MACF1: variants seen among roughly 807,000 people sequenced by gnomAD.
MACF1 encodes microtubule-actin cross-linking factor 1.
MACF1 carries 193 observed loss-of-function variants against 854.8 expected under a neutral mutation model. The observed-to-expected ratio is 0.23, with a 90% CI of 0.20 to 0.25. The LOEUF (loss-of-function observed/expected upper bound fraction) is 0.25. Ranked by LOEUF, MACF1 falls within the 10% of genes least tolerant of loss-of-function variation. The probability of loss-of-function intolerance (pLI) is 1.00; values close to 1 mark genes in which losing one functional copy is unlikely to be tolerated. For synonymous variants in MACF1, 3,185 were observed against 3,226.7 expected (o/e 0.99, Z 0.44); for missense variants, 7,722 against 8,929.1 (o/e 0.86, Z 5.45).
intron 26 of MACF1, 115 bp from the exon 27 acceptor site, chr1:39,315,398 C>G: frequency 1.2e-6 from 1 of 811,828 alleles, no homozygotes; most frequent in Non-Finnish European, 2.0e-6. Flanking sequence ...CAACCAGCCT[C>G]CTATATATGG....
intron 99 of MACF1, among the ~76,000 whole-genome samples, chr1:39,481,748 A>G (rs1465325306): frequency 1.3e-5 from 2 of 152,228 alleles, no homozygotes; most frequent in East Asian, 3.8e-4. Context: ...ATAGTAGTGC[A>G]GTTTGCATTC....
At chr1:39,245,695 C>T (rs1644974733) in intron 2 of MACF1, among the ~76,000 whole-genome samples, 1 of 152,160 alleles carries the variant, frequency 6.6e-6, no homozygotes, top group East Asian at 1.9e-4. Context: ...CGAGACTAGC[C>T]TGGGCAATAT....
At chr1:39,482,380 A>T (rs1026280797) in intron 99 of MACF1, among the ~76,000 whole-genome samples, 2 of 152,198 alleles carry the variant, frequency 1.3e-5, no homozygotes, top group Middle Eastern at 3.2e-3. Flanking sequence ...AAACAATGAG[A>T]TGGATTGCTT....
intron 36 of MACF1, among the ~76,000 whole-genome samples, chr1:39,330,186 C>G (rs1028537028): frequency 6.6e-6 from 1 of 152,162 alleles, no homozygotes; most frequent in Admixed American, 6.5e-5. Flanking sequence ...CTAGTGGTTC[C>G]ATAGGCAAGG....
At chr1:39,289,389 C>T (rs1645720113) in intron 15 of MACF1, among the ~76,000 whole-genome samples, 3 of 152,188 alleles carry the variant, frequency 2.0e-5, no homozygotes, top group Admixed American at 2.0e-4. Flanking sequence ...TCCATATCCT[C>T]ACCAGCATTT....
chr1:39,260,103 C>T (rs1259373109), intron 6 of MACF1, among the ~76,000 whole-genome samples: 1 of 152,128 alleles, frequency 6.6e-6, no homozygotes. Context: ...CAATCAAATA[C>T]AGTTATTATT....
At chr1:39,424,229 G>T (rs763319454) in intron 61 of MACF1, 35 bp downstream of exon 61, 1 of 1,582,682 alleles carries the variant, frequency 6.3e-7, no homozygotes, top group East Asian at 2.3e-5. Context: ...GTGGGTCAGA[G>T]GTTTGTTTTG....
At chr1:39,252,296 A>T (rs969157355) in intron 4 of MACF1, among the ~76,000 whole-genome samples, 1 of 152,196 alleles carries the variant, frequency 6.6e-6, no homozygotes, top group Non-Finnish European at 1.5e-5. Flanking sequence ...AGTTGACAGC[A>T]TGACAATTAA....
At chr1:39,286,198 G>C (rs1645637842) in intron 14 of MACF1, among the ~76,000 whole-genome samples, 2 of 151,990 alleles carry the variant, frequency 1.3e-5, no homozygotes, top group South Asian at 4.1e-4. Context: ...ATTTTTAGTA[G>C]AGACGGGGTT....
At position 39,422,468 on chromosome 1, in the gene MACF1, G is replaced by C; in HGVS notation, c.15911G>C (p.Cys5304Ser). The C allele has an allele frequency of 6.2e-7, 1 of 1,614,114 alleles. No individual in the cohort carries two copies. The highest frequency in any genetic ancestry group is 8.5e-7 in the Non-Finnish European group (1 of 1,179,954). Residue 5304 changes from cysteine to serine, a missense_variant, in exon 59 of 101, where the codon TGT becomes TCT. Transcript: ENST00000564288. Reference sequence around the variant, plus strand: ...TTAATTCAGAGTGCAGGAAAAGACTGTGATGTACAGGGTTTAGAACATGAC... The same window carrying C: ...TTAATTCAGAGTGCAGGAAAAGACTCTGATGTACAGGGTTTAGAACATGAC... ...QGLIQSAGKD[C>S]DVQGLEHDME...
chr1:39,412,682 T>C (rs755912533), intron 58 of MACF1: 2 of 1,614,010 alleles, frequency 1.2e-6, no homozygotes, highest in Non-Finnish European at 1.7e-6. Context: ...GATTCATTCC[T>C]AAATATTTTT....
chr1:39,413,145 T>TA, intron 58 of MACF1: 2 of 1,612,698 alleles, frequency 1.2e-6, no homozygotes, highest in Non-Finnish European at 1.7e-6. Context: ...CTTTAGCTAT[T>TA]ACAGTACCCA....
At chr1:39,462,986 T>G (rs1198813799) in intron 93 of MACF1, among the ~76,000 whole-genome samples, 1 of 152,214 alleles carries the variant, frequency 6.6e-6, no homozygotes, top group African/African-American at 2.4e-5. Context: ...TAATTTGCTT[T>G]ATTAATAATT....
chr1:39,477,141 C>CACACATATAT (rs1644921959), intron 97 of MACF1, among the ~76,000 whole-genome samples: 1 of 143,706 alleles, frequency 7.0e-6, no homozygotes, highest in Non-Finnish European at 1.5e-5. Flanking sequence ...TATATACACA[C>CACACATATAT]ACACACACAC....
chr1:39,388,560 C>A lies in MACF1; in HGVS notation c.15718C>A (p.Leu5240Ile), dbSNP rs1257528204. Residue 5240 changes from leucine to isoleucine, a missense_variant, in exon 58 of 101, where the codon CTC becomes ATC. Leu to Ile is a conservative substitution (Grantham distance 5). Around this residue, in one of 15 missense-constraint regions of MACF1, gnomAD observed 2,807 missense variants for 3,235.8 expected, o/e 0.87. Transcript: ENST00000564288. ...VEDFYRKLKG[L>I]NDATTAAEEA... is the part of the protein sequence containing the mutation. ...GGACTTCTACAGGAAATTGAAAGGACTCAATGACGCGACCACAGCAGCAGA... is the reference window on the plus strand; with the variant it reads ...GGACTTCTACAGGAAATTGAAAGGAATCAATGACGCGACCACAGCAGCAGA... The A allele has an allele frequency of 1.9e-6, 3 of 1,614,124 alleles. No individual in the cohort carries two copies.
intron 2 of MACF1, among the ~76,000 whole-genome samples, chr1:39,180,229 C>T (rs1644087156): frequency 1.3e-5 from 2 of 152,004 alleles, no homozygotes; most frequent in South Asian, 4.1e-4. Context: ...TTGCAAGATA[C>T]AAGCCTATTT....
rs1282404010 is a variant in MACF1 at position 39,331,598 on chromosome 1, T to G, written c.5010T>G (p.Ile1670Met). Reference sequence around the variant, plus strand: ...GTCTTTCCCCTAGTGAGAACTGTATTAACCTGGAAGAGGCTTTTCATCAAG... The same window carrying G: ...GTCTTTCCCCTAGTGAGAACTGTATGAACCTGGAAGAGGCTTTTCATCAAG... ...GFSLSPSENC[I>M]NLEEAFHQGL... is the part of the protein sequence containing the mutation. Residue 1670 changes from isoleucine to methionine, a missense_variant, in exon 37 of 101, where the codon ATT becomes ATG. Ile to Met is a conservative substitution (Grantham distance 10). This residue lies in a region of MACF1 where 1,531 missense variants were observed against 1,601.6 expected (regional missense o/e 0.96). Transcript: ENST00000564288. 3 of 1,614,078 alleles carry G rather than the reference T, an allele frequency of 1.9e-6. No homozygotes were observed. The East Asian group carries it at 6.7e-5, about 36-fold the overall frequency.
intron 15 of MACF1, among the ~76,000 whole-genome samples, chr1:39,291,547 G>C (rs569036030): frequency 1.3e-5 from 2 of 152,254 alleles, no homozygotes; most frequent in South Asian, 4.1e-4. Context: ...ATACTTCTTT[G>C]TTATATCAGT....
At chr1:39,403,847 G>T (rs976529948) in intron 58 of MACF1, among the ~76,000 whole-genome samples, 15 of 152,042 alleles carry the variant, frequency 9.9e-5, no homozygotes, top group Admixed American at 6.5e-4. Flanking sequence ...TGGGCGGGGG[G>T]GCCGGGCTTC....
Sources: gnomAD v4.1 joint callset for allele counts (sites outside exome capture counted in the v4.1 genomes callset) on GRCh38, gnomAD v4.1.1 for gene constraint, gnomAD v4.1.1 regional missense constraint, MANE v1.5 for transcripts, NCBI Gene and HGNC (gene_info 2026-07-23, HGNC 2026-07-21) for gene names.